NALCN: variants seen among roughly 807,000 people sequenced by gnomAD.
The protein encoded by NALCN is sodium leak channel NALCN.
A neutral mutation model predicts 225.3 loss-of-function variants in NALCN; 111 were observed. The ratio of observed to expected loss-of-function variants is 0.49; its 90% CI spans 0.42 to 0.58. The LOEUF is 0.58. Ranked by LOEUF, NALCN falls within the 20% of genes least tolerant of loss-of-function variation. The probability of loss-of-function intolerance (pLI) is 0.00; values close to 1 mark genes in which losing one functional copy is unlikely to be tolerated. For synonymous variants in NALCN, 764 were observed against 769.0 expected (o/e 0.99, Z 0.11); for missense variants, 1,378 against 2,202.4 (o/e 0.63, Z 7.49).
intron 7 of NALCN, among the ~76,000 whole-genome samples, chr13:101,310,023 A>C (rs1043249622): frequency 6.6e-6 from 1 of 152,184 alleles, no homozygotes; most frequent in Non-Finnish European, 1.5e-5. Flanking sequence ...CCAATCTCTT[A>C]GTAAATCCCA....
chr13:101,409,375 T>C (rs1481364961), intron 1 of NALCN, among the ~76,000 whole-genome samples: 1 of 152,222 alleles, frequency 6.6e-6, no homozygotes, highest in African/African-American at 2.4e-5. Flanking sequence ...ACAGGCACAA[T>C]GTCATAACAC....
At chr13:101,143,520 A>C (rs1027209012) in intron 16 of NALCN, among the ~76,000 whole-genome samples, 1 of 151,178 alleles carries the variant, frequency 6.6e-6, no homozygotes, top group African/African-American at 2.4e-5. Flanking sequence ...GCTGGAGTGC[A>C]ATGGTGCAAT....
chr13:101,318,718 AC>A (rs2044642837), intron 7 of NALCN, among the ~76,000 whole-genome samples: 1 of 152,250 alleles, frequency 6.6e-6, no homozygotes, highest in African/African-American at 2.4e-5. Context: ...AGAAAGCACT[AC>A]AATTATTGAT....
rs187477723 is a variant in NALCN, at chr13:101,094,716, G to A, written c.3269+858C>T. 2.1e-3 allele frequency among the ~76,000 whole-genome samples: 319 copies of A among 152,132 alleles called. 1 individual carries two copies. Among genetic ancestry groups the A allele is most frequent in the Middle Eastern group, 6.8e-3 (2 of 294 alleles). On this transcript the variant is annotated intron_variant, in intron 28 of 43. Transcript: ENST00000251127. ...CCCAATATGCATTCTATTGGATTAC[G>A]TATAAAAGCGAATTTCATATGAGAA...
chr13:101,327,750 G>C (rs966039529), intron 7 of NALCN, among the ~76,000 whole-genome samples: 2 of 152,158 alleles, frequency 1.3e-5, no homozygotes, highest in Non-Finnish European at 2.9e-5. Flanking sequence ...AATTAGAGAT[G>C]TGTTATAGCC....
chr13:101,177,409 G>GTATATA (rs10624930), intron 14 of NALCN, among the ~76,000 whole-genome samples: 1,336 of 124,346 alleles, frequency 0.011, 42 homozygotes, highest in Middle Eastern at 0.033. Context: ...GTAAATACGA[G>GTATATA]TATATATATA....
intron 7 of NALCN, among the ~76,000 whole-genome samples, chr13:101,334,363 T>G (rs1182782379): frequency 2.2e-5 from 3 of 138,110 alleles, no homozygotes; most frequent in Admixed American, 7.4e-5. Context: ...GAGATGGGGG[T>G]AGGGGGAGCG....
chr13:101,371,650 T>C (rs2046542870), intron 6 of NALCN, among the ~76,000 whole-genome samples: 1 of 152,236 alleles, frequency 6.6e-6, no homozygotes, highest in African/African-American at 2.4e-5. Flanking sequence ...CACGCACTGA[T>C]GCAGAGGACA....
At chr13:101,325,589 C>A (rs1319934402) in intron 7 of NALCN, among the ~76,000 whole-genome samples, 1 of 152,176 alleles carries the variant, frequency 6.6e-6, no homozygotes, top group Non-Finnish European at 1.5e-5. Flanking sequence ...GCAAAATGTG[C>A]TTTTCCTCAG....
chr13:101,132,789 T>C (rs919908490), intron 17 of NALCN, among the ~76,000 whole-genome samples: 2 of 152,128 alleles, frequency 1.3e-5, no homozygotes, highest in Admixed American at 1.3e-4. Flanking sequence ...AGGCTTAGTA[T>C]AAAAAAGCAT....
intron 31 of NALCN, 93 bp from the exon 32 acceptor site, chr13:101,083,291 A>G: frequency 9.3e-7 from 1 of 1,071,778 alleles, no homozygotes; most frequent in African/African-American, 1.6e-5. Flanking sequence ...CTTAAAACCC[A>G]TTACATTTTT....
rs542530589 is a variant in NALCN at position 101,104,810 on chromosome 13, A to C, written c.2636+84T>G. ...TAGCACTATATAGCAAGAAAATAAA[A>C]GAGAATTTTAATCGTTGTATGCAGC... On this transcript the variant is annotated intron_variant, in intron 23 of 43. Transcript: ENST00000251127. This position sits in a 1 kb window ranked among gnomAD's most constrained non-coding sequence, Gnocchi z 4.2. 2 of 1,566,402 alleles carry C rather than the reference A, an allele frequency of 1.3e-6. No homozygotes were observed. The highest frequency in any genetic ancestry group is 2.7e-5 in the African/African-American group (2 of 73,410).
intron 9 of NALCN, among the ~76,000 whole-genome samples, chr13:101,285,318 G>A (rs1213204548): frequency 1.3e-5 from 2 of 152,048 alleles, no homozygotes; most frequent in Non-Finnish European, 2.9e-5. Flanking sequence ...TTTTTGGGGG[G>A]AGATAGAGTC....
chr13:101,058,021 C>A lies in NALCN; in HGVS notation c.4941G>T (p.Leu1647=). The change falls in exon 43 of 44, where the codon CTG becomes CTT. Residue 1647 remains leucine (L), a synonymous_variant. Transcript: ENST00000251127. The part of the protein sequence containing the change: ...SSQQQLLSPT[L]SDRGGSRQDA... ...CTTGCCGACTTCCTCCTCGATCCGACAGCGTGGGGCTCAGGAGCTGCTGCT... is the reference window on the plus strand; with the variant it reads ...CTTGCCGACTTCCTCCTCGATCCGAAAGCGTGGGGCTCAGGAGCTGCTGCT... The A allele has an allele frequency of 6.2e-7, 1 of 1,613,656 alleles. No homozygotes were observed. The highest frequency in any genetic ancestry group is 8.5e-7 in the Non-Finnish European group (1 of 1,180,026).
At chr13:101,238,771 A>G (rs540650700) in intron 11 of NALCN, among the ~76,000 whole-genome samples, 52 of 152,098 alleles carry the variant, frequency 3.4e-4, no homozygotes, top group African/African-American at 1.2e-3. Flanking sequence ...TATTGAAGAT[A>G]GGAATATAGC....
rs1277314050 is a variant in NALCN, at chr13:101,379,592, A to T, written c.292-939T>A. On this transcript the variant is annotated intron_variant, in intron 3 of 43. Coordinates refer to ENST00000251127, the MANE Select transcript of NALCN (RefSeq NM_052867.4). ...GACATGGATGAAGCTGGAAACCATCACTCTCAGCCAAACTAACACAGGAAC... is the reference window on the plus strand; with the variant it reads ...GACATGGATGAAGCTGGAAACCATCTCTCTCAGCCAAACTAACACAGGAAC... Among the ~76,000 whole-genome samples the T allele has an allele frequency of 2.8e-5, 4 of 141,112 alleles. No individual in the cohort carries two copies. The East Asian group carries it at 7.8e-4, about 27-fold the overall frequency. 92.6% of individuals were successfully genotyped at this position (141,112 alleles called of 152,430 possible).
intron 22 of NALCN, 131 bp downstream of exon 22, chr13:101,107,356 G>A: frequency 1.4e-6 from 2 of 1,458,922 alleles, no homozygotes; most frequent in Non-Finnish European, 1.9e-6. Flanking sequence ...AAGAGGAGCA[G>A]CATGATTAAT....
In NALCN at chr13:101,205,754, T is replaced by C. The variant is rs140327348; in HGVS notation, c.1627-13700A>G. Among the ~76,000 whole-genome samples, 305 of 152,248 alleles carry C rather than the reference T, an allele frequency of 2.0e-3. 2 individuals carry two copies. The highest frequency in any genetic ancestry group is 0.017 in the Middle Eastern group (5 of 294). On this transcript the variant is annotated intron_variant, in intron 13 of 43. Coordinates refer to ENST00000251127, the MANE Select transcript of NALCN (RefSeq NM_052867.4). ...ATTTTTATAAGTTAAATGCATTTCA[T>C]TGTCAATCAAATATGTGCTATAAAA...
chr13:101,173,762 G>A (rs181631886), intron 15 of NALCN, among the ~76,000 whole-genome samples: 22 of 152,252 alleles, frequency 1.4e-4, no homozygotes, highest in African/African-American at 4.6e-4. Flanking sequence ...CTATCTGGGA[G>A]TAGTAAAAAT....
Sources: allele counts gnomAD v4.1 joint callset (sites outside exome capture counted in the v4.1 genomes callset), GRCh38; gene constraint gnomAD v4.1.1; non-coding constraint Gnocchi (gnomAD v3.1); transcripts MANE v1.5; gene names NCBI Gene and HGNC (gene_info 2026-07-23, HGNC 2026-07-21).